Variants in PDZD2 observed in about 807,000 individuals in gnomAD.
The protein encoded by PDZD2 is PDZ domain-containing protein 2.
PDZD2 carries 90 observed loss-of-function variants against 220.7 expected under a neutral mutation model. That is an observed-to-expected ratio of 0.41 (90% CI 0.34 to 0.49). PDZD2 has a LOEUF of 0.49. PDZD2 is among the 20% of genes least tolerant of loss of function. PDZD2 has a pLI of 0.28. For missense variants in PDZD2, 3,174 were observed against 3,608.5 expected (o/e 0.88, Z 3.08); for synonymous variants, 1,375 against 1,450.5 (o/e 0.95, Z 1.18).
intron 2 of PDZD2, among the ~76,000 whole-genome samples, chr5:31,857,886 G>A (rs1758593943): frequency 6.6e-6 from 1 of 152,120 alleles, no homozygotes; most frequent in Non-Finnish European, 1.5e-5. Flanking sequence ...GAGTGCAGTG[G>A]TGCGATCTCA....
chr5:31,880,447 A>G (rs2150335363), intron 2 of PDZD2, among the ~76,000 whole-genome samples: 1 of 152,318 alleles, frequency 6.6e-6, no homozygotes, highest in South Asian at 2.1e-4. Context: ...AGTCCTCTGT[A>G]TGAATGGATA....
chr5:31,741,055 GA>G (rs1247479820), intron 1 of PDZD2, among the ~76,000 whole-genome samples: 14 of 152,146 alleles, frequency 9.2e-5, no homozygotes, highest in Non-Finnish European at 1.5e-4. Context: ...CATGCTAGTA[GA>G]AGTCTATTTG....
intron 18 of PDZD2, among the ~76,000 whole-genome samples, chr5:32,076,400 CTAAGT>C (rs903697725): frequency 6.0e-5 from 9 of 149,936 alleles, no homozygotes; most frequent in Admixed American, 1.3e-4. Flanking sequence ...TTTTGTAATT[CTAAGT>C]TAATACTCTC....
Position 31,849,934 on chromosome 5 carries a change from A to T in PDZD2, c.476+50210A>T. ...TATATATATACATATATATATATAC[A>T]CATATATATATATACATATATATAT... On this transcript the variant is annotated intron_variant, in intron 2 of 24. Transcript: ENST00000438447. 6.1e-4 allele frequency among the ~76,000 whole-genome samples: 13 copies of T among 21,340 alleles called. 3 individuals carry two copies. Among genetic ancestry groups the T allele is most frequent in the South Asian group, 1.5e-3 (1 of 658 alleles). The allele number at this position is 21,340 out of a possible 152,430, so 14.0% of individuals were successfully genotyped here.
At chr5:32,066,231 G>A (rs1322834142) in intron 14 of PDZD2, among the ~76,000 whole-genome samples, 4 of 151,596 alleles carry the variant, frequency 2.6e-5, no homozygotes, top group African/African-American at 9.7e-5. Context: ...TATAATCCCA[G>A]CTACTCGGGA....
intron 1 of PDZD2, among the ~76,000 whole-genome samples, chr5:31,759,146 C>T (rs563308304): frequency 5.8e-4 from 88 of 152,158 alleles, no homozygotes; most frequent in Non-Finnish European, 2.4e-4. Flanking sequence ...TGCCCACCCC[C>T]TCCTCCACCT....
chr5:31,847,316 T>C (rs945357983), intron 2 of PDZD2: 5 of 352,818 alleles, frequency 1.4e-5, no homozygotes, highest in Non-Finnish European at 2.7e-5. Flanking sequence ...CTTTAAAAGA[T>C]ACAAAATGAA....
intron 16 of PDZD2, 141 bp downstream of exon 16, chr5:32,071,559 A>G (rs1019022638): frequency 1.4e-6 from 1 of 708,146 alleles, no homozygotes; most frequent in Non-Finnish European, 2.6e-6. Context: ...AATCGCAACA[A>G]TGCTCATTTG....
At chr5:31,679,383 G>C (rs1746565773) in intron 1 of PDZD2, among the ~76,000 whole-genome samples, 1 of 152,258 alleles carries the variant, frequency 6.6e-6, no homozygotes, top group East Asian at 1.9e-4. Flanking sequence ...GGGTTGAAAG[G>C]CGTGGTCTCT....
chr5:32,063,092 T>TGGGGTGCAGTTTCGTGATCTC (rs1423369848), intron 14 of PDZD2, among the ~76,000 whole-genome samples: 2 of 150,912 alleles, frequency 1.3e-5, no homozygotes, highest in African/African-American at 2.4e-5. Context: ...TAGCCCGGGC[T>TGGGGTGCAGTTTCGTGATCTC]GGGGTGCAGT....
At chr5:31,915,530 C>T (rs1479647517) in intron 2 of PDZD2, among the ~76,000 whole-genome samples, 1 of 152,154 alleles carries the variant, frequency 6.6e-6, no homozygotes, top group Non-Finnish European at 1.5e-5. Context: ...TGCTGTGTCC[C>T]CAGGAGAAGG....
At chr5:31,744,455 A>T (rs916309917) in intron 1 of PDZD2, 3 of 152,232 alleles carry the variant, frequency 2.0e-5, no homozygotes. Context: ...CTTCCAAAAA[A>T]AAGAAGGAAA....
chr5:32,104,429 C>G (rs1044062268), intron 24 of PDZD2, among the ~76,000 whole-genome samples: 1 of 151,410 alleles, frequency 6.6e-6, no homozygotes, highest in African/African-American at 2.4e-5. Context: ...AATCTCTGCT[C>G]ACTGCAATCT....
chr5:31,713,262 G>A (rs566272931), intron 1 of PDZD2, among the ~76,000 whole-genome samples: 2 of 152,322 alleles, frequency 1.3e-5, no homozygotes, highest in East Asian at 3.9e-4. Context: ...CTCAGCGACT[G>A]CCTGCAGCCT....
At chr5:31,737,914 G>C (rs1750006866) in intron 1 of PDZD2, among the ~76,000 whole-genome samples, 1 of 152,190 alleles carries the variant, frequency 6.6e-6, no homozygotes. Flanking sequence ...AACAGACATT[G>C]CTACTAGCCC....
chr5:31,737,362 T>C (rs185674465), intron 1 of PDZD2, among the ~76,000 whole-genome samples: 2,530 of 151,624 alleles, frequency 0.017, 25 homozygotes, highest in Middle Eastern at 0.031. Flanking sequence ...TTAGTAGAGA[T>C]GGGGTTTCAC....
chr5:31,992,531 A>G (rs896026085), intron 3 of PDZD2, among the ~76,000 whole-genome samples: 2 of 152,176 alleles, frequency 1.3e-5, no homozygotes, highest in African/African-American at 4.8e-5. Context: ...AAGTATTTAA[A>G]AATTAGAAAG....
intron 2 of PDZD2, among the ~76,000 whole-genome samples, chr5:31,978,537 G>A (rs1749986137): frequency 1.3e-5 from 2 of 151,996 alleles, no homozygotes; most frequent in African/African-American, 4.8e-5. Context: ...GGCTAACATG[G>A]TGAAACCCCG....
At chr5:31,988,777 T>C (rs551465180) in intron 3 of PDZD2, among the ~76,000 whole-genome samples, 2 of 152,356 alleles carry the variant, frequency 1.3e-5, no homozygotes, top group South Asian at 4.1e-4. Flanking sequence ...GTGTCACCTC[T>C]GAGCCTTTGC....
Sources: allele counts gnomAD v4.1 joint callset (sites outside exome capture counted in the v4.1 genomes callset), GRCh38; gene constraint gnomAD v4.1.1; transcripts MANE v1.5; gene names NCBI Gene and HGNC (gene_info 2026-07-23, HGNC 2026-07-21).